Variants in RERE observed in about 807,000 individuals in gnomAD.
The protein encoded by RERE is arginine-glutamic acid dipeptide repeats protein.
RERE carries 40 observed loss-of-function variants against 146.1 expected under a neutral mutation model. That is an observed-to-expected ratio of 0.27 (90% CI 0.21 to 0.36). RERE has a LOEUF of 0.36. RERE is among the 10% of genes least tolerant of loss of function. The pLI, the probability that RERE is intolerant of heterozygous loss-of-function variation, is 1.00. For synonymous variants in RERE, 1,003 were observed against 866.0 expected, an observed-to-expected ratio of 1.16 and a Z score of -2.78; for missense variants, 1,933 against 2,138.7, an observed-to-expected ratio of 0.90 and a Z score of 1.90.
chr1:8,494,456 G>A (rs1015341043), intron 10 of RERE, among the ~76,000 whole-genome samples: 3 of 152,178 alleles, frequency 2.0e-5, no homozygotes, highest in African/African-American at 4.8e-5. Flanking sequence ...GCCGGGCGTG[G>A]TGGCTCACGC....
intron 1 of RERE, among the ~76,000 whole-genome samples, chr1:8,790,882 G>A (rs1191522318): frequency 1.3e-5 from 2 of 152,106 alleles, no homozygotes; most frequent in African/African-American, 4.8e-5. Context: ...CACCGCACCC[G>A]GCCCAGGCTT....
chr1:8,561,976 CTT>C (rs1646084288), intron 4 of RERE, among the ~76,000 whole-genome samples: 1 of 152,202 alleles, frequency 6.6e-6, no homozygotes, highest in Non-Finnish European at 1.5e-5. Context: ...AGCTATGTGA[CTT>C]TGGGCAAGTA....
chr1:8,504,780 G>A (rs1046453282), intron 8 of RERE, among the ~76,000 whole-genome samples: 1 of 152,124 alleles, frequency 6.6e-6, no homozygotes, highest in Non-Finnish European at 1.5e-5. Context: ...TTGAACCCGG[G>A]AGGCGGAGGT....
chr1:8,364,196 T>C lies in RERE; in HGVS notation c.1600A>G (p.Ile534Val). The change falls in exon 15 of 23, where the codon ATC becomes GTC. Residue 534 changes from isoleucine (I) to valine (V), a missense_variant. By Grantham distance (29) the Ile-to-Val change is conservative. Coordinates refer to ENST00000400908, the MANE Select transcript of RERE (RefSeq NM_001042681.2). This position sits in a 1 kb window ranked among gnomAD's most constrained non-coding sequence, Gnocchi z 5.1. The part of the protein sequence containing the change: ...ENILLCTDCR[I>V]HFKKYGELPP... The stretch of plus-strand genomic sequence containing the variant: ...AGCTCACCGTATTTCTTGAAGTGGA[T>C]GCGACAGTCGGTGCAAAGCAGGATG... The C allele has an allele frequency of 1.2e-6, 2 of 1,614,166 alleles. No individual in the cohort carries two copies. The highest frequency in any genetic ancestry group is 1.7e-5 in the Admixed American group (1 of 60,020).
At chr1:8,394,196 C>G (rs961550218) in intron 12 of RERE, among the ~76,000 whole-genome samples, 1 of 152,226 alleles carries the variant, frequency 6.6e-6, no homozygotes, top group Non-Finnish European at 1.5e-5. Context: ...TAGGACAGAG[C>G]TGAAATCCAA....
chr1:8,356,054 C>A lies in RERE; in HGVS notation c.4486+46G>T. ...GAAGACAGCAGACCAGACCCCAACC[C>A]AACCCTCACACGGCCTCCCCGCCCC... On this transcript the variant is annotated intron_variant, in intron 21 of 22. Transcript: ENST00000400908. The surrounding 1 kb of genome is among the most constrained non-coding windows in gnomAD (Gnocchi z 5.2). 1 of 1,458,146 alleles carries A rather than the reference C, an allele frequency of 6.9e-7. No homozygotes were observed. The highest frequency in any genetic ancestry group is 9.0e-7 in the Non-Finnish European group (1 of 1,107,140). 90.3% of individuals were successfully genotyped at this position (1,458,146 alleles called of 1,614,324 possible).
At position 8,361,332 on chromosome 1, in the gene RERE, C is replaced by G. The variant is rs770529304; in HGVS notation, c.2175G>C (p.Ser725=). 5.6e-6 allele frequency: 9 copies of G among 1,612,698 alleles called. No individual in the cohort carries two copies. Among genetic ancestry groups the G allele is most frequent in the Non-Finnish European group, 8.5e-7 (1 of 1,179,328 alleles). The change falls in exon 18 of 23, where the codon TCG becomes TCC. Residue 725 remains serine, a synonymous_variant. Transcript: ENST00000400908. ...GCATCTGCTGCTGGGCTGACGAGTC[C>G]GAGTCACTCTCATTGTCCTGGGGGC... The part of the protein sequence containing the change: ...IPSPQDNESD[S]DSSAQQQMLQ...
At position 8,358,983 on chromosome 1, in the gene RERE, C is replaced by T. The variant is rs187697662; in HGVS notation, c.3619-67G>A. ...TGGGGTCTCCGCTTGGTCCACACTG[C>T]GGAGGTGGGCCTGGTCCTGCTCCTG... is the stretch of plus-strand genomic sequence containing the variant. On this transcript the variant is annotated intron_variant, in intron 19 of 22. Coordinates refer to ENST00000400908, the MANE Select transcript of RERE (RefSeq NM_001042681.2). 11,801 of 1,478,694 alleles carry T rather than the reference C, an allele frequency of 8.0e-3. 62 individuals are homozygous for T. The highest frequency in any genetic ancestry group is 0.012 in the Admixed American group (482 of 40,926). 91.6% of individuals were successfully genotyped at this position (1,478,694 alleles called of 1,614,324 possible).
At chr1:8,433,173 T>TG (rs1644118251) in intron 11 of RERE, among the ~76,000 whole-genome samples, 1 of 152,182 alleles carries the variant, frequency 6.6e-6, no homozygotes, top group African/African-American at 2.4e-5. Context: ...AGGACTACTG[T>TG]GTTCCTGGGT....
chr1:8,726,002 C>A (rs984373866), intron 1 of RERE, among the ~76,000 whole-genome samples: 1 of 152,010 alleles, frequency 6.6e-6, no homozygotes, highest in Non-Finnish European at 1.5e-5. Flanking sequence ...ACATTTACTT[C>A]CTACCCAACA....
At chr1:8,566,325 A>G (rs992515277) in intron 4 of RERE, among the ~76,000 whole-genome samples, 3 of 152,186 alleles carry the variant, frequency 2.0e-5, no homozygotes, top group African/African-American at 7.2e-5. Context: ...AAAATAAAAC[A>G]AAATAAAATA....
At position 8,731,321 on chromosome 1, in the gene RERE, C is replaced by T. The variant is rs1384273095; in HGVS notation, c.-144-74880G>A. On this transcript the variant is annotated intron_variant, in intron 1 of 22. Transcript: ENST00000400908. ...TTTAGGCAGGGAGAGGGGAAAGTAA[C>T]CATTTTGCAATTGCTCAGAGCATTC... Among the ~76,000 whole-genome samples the T allele has an allele frequency of 2.6e-5, 4 of 152,248 alleles. No homozygotes were observed. The East Asian group carries it at 7.7e-4, about 29-fold the overall frequency.
At chr1:8,526,113 T>A (rs1248983424) in intron 7 of RERE, 7 of 1,051,432 alleles carry the variant, frequency 6.7e-6, no homozygotes, top group Non-Finnish European at 8.1e-6. Context: ...CAAGCTAGTG[T>A]GCAGGGAAGT....
At chr1:8,456,351 G>A (rs763230252) in intron 11 of RERE, among the ~76,000 whole-genome samples, 1 of 152,116 alleles carries the variant, frequency 6.6e-6, no homozygotes, top group Non-Finnish European at 1.5e-5. Context: ...TTTCTTTCCA[G>A]GTATTTTCTT....
chr1:8,416,540 TG>T, intron 12 of RERE, among the ~76,000 whole-genome samples: 1 of 140,526 alleles, frequency 7.1e-6, no homozygotes, highest in African/African-American at 2.7e-5. Flanking sequence ...GAGCCGAGAC[TG>T]CATAACTGCA....
chr1:8,462,850 A>G (rs301786), intron 11 of RERE, among the ~76,000 whole-genome samples: 149,729 of 152,192 alleles, frequency 0.98, 73,668 homozygotes, highest in Middle Eastern at 1. Context: ...TCCAGCCTGG[A>G]CAACATAGCA....
intron 10 of RERE, among the ~76,000 whole-genome samples, chr1:8,480,795 T>G (rs1644824630): frequency 6.6e-6 from 1 of 152,154 alleles, no homozygotes; most frequent in Non-Finnish European, 1.5e-5. Context: ...CTGAAGACAT[T>G]GTGTTATTAA....
chr1:8,737,002 T>C (rs1290016454), intron 1 of RERE, among the ~76,000 whole-genome samples: 2 of 152,236 alleles, frequency 1.3e-5, no homozygotes, highest in Non-Finnish European at 2.9e-5. Context: ...ATGATTATCT[T>C]TCTTTAGAAA....
chr1:8,570,944 G>C (rs1044191422), intron 4 of RERE, among the ~76,000 whole-genome samples: 1 of 152,124 alleles, frequency 6.6e-6, no homozygotes, highest in African/African-American at 2.4e-5. Context: ...TACACAAGAA[G>C]AAAAATCTAA....
Sources: allele counts gnomAD v4.1 joint callset (sites outside exome capture counted in the v4.1 genomes callset), GRCh38; gene constraint gnomAD v4.1.1; non-coding constraint Gnocchi (gnomAD v3.1); transcripts MANE v1.5; gene names NCBI Gene and HGNC (gene_info 2026-07-23, HGNC 2026-07-21).